The following PTPRD variants were observed in gnomAD, a reference collection of about 807,000 sequenced individuals.
PTPRD encodes the protein protein tyrosine phosphatase receptor type D.
PTPRD carries 34 observed loss-of-function variants against 214.5 expected under a neutral mutation model. The observed-to-expected ratio is 0.16, with a 90% CI of 0.12 to 0.21. The LOEUF (loss-of-function observed/expected upper bound fraction) is 0.21, where lower values mean the gene tolerates loss of function less well. PTPRD is among the 10% of genes least tolerant of loss of function. The pLI is 1.00. For missense variants in PTPRD, 2,545 were observed against 2,398.7 expected (o/e 1.06, Z -1.27); for synonymous variants, 1,128 against 845.7 (o/e 1.33, Z -5.79).
intron 2 of PTPRD, among the ~76,000 whole-genome samples, chr9:10,389,651 A>G (rs2098013842): frequency 6.6e-6 from 1 of 151,918 alleles, no homozygotes. Flanking sequence ...TAAAAGACAT[A>G]CAGCCAAAAT....
At chr9:10,224,157 A>T (rs1301989109) in intron 3 of PTPRD, among the ~76,000 whole-genome samples, 1 of 152,036 alleles carries the variant, frequency 6.6e-6, no homozygotes, top group Non-Finnish European at 1.5e-5. Context: ...CATAGAATCC[A>T]TTCTGTTTGT....
intron 9 of PTPRD, among the ~76,000 whole-genome samples, chr9:9,251,786 T>A (rs1000481433): frequency 1.3e-5 from 2 of 152,072 alleles, no homozygotes; most frequent in African/African-American, 4.8e-5. Context: ...AATAAAAGAA[T>A]GATTTGAGAT....
chr9:10,428,966 C>T (rs2098651460), intron 2 of PTPRD, among the ~76,000 whole-genome samples: 1 of 151,892 alleles, frequency 6.6e-6, no homozygotes, highest in Non-Finnish European at 1.5e-5. Flanking sequence ...GATAATAGTA[C>T]CTGTCGCATA....
chr9:10,286,785 G>C (rs1316406168), intron 3 of PTPRD, among the ~76,000 whole-genome samples: 1 of 152,026 alleles, frequency 6.6e-6, no homozygotes, highest in Admixed American at 6.6e-5. Flanking sequence ...ATTTTTACTA[G>C]AGACGGGGTT....
At chr9:9,971,311 A>T (rs1446065515) in intron 4 of PTPRD, among the ~76,000 whole-genome samples, 1 of 152,190 alleles carries the variant, frequency 6.6e-6, no homozygotes, top group African/African-American at 2.4e-5. Context: ...CTAGGTCTGG[A>T]GTAGAAACCA....
chr9:10,385,433 T>A (rs889109292), intron 2 of PTPRD, among the ~76,000 whole-genome samples: 1 of 151,852 alleles, frequency 6.6e-6, no homozygotes, highest in African/African-American at 2.4e-5. Context: ...CTCATTCATT[T>A]ATTCAGCAAA....
chr9:8,389,074 G>A (rs993877975), intron 37 of PTPRD, among the ~76,000 whole-genome samples, 158 bp downstream of exon 37: 6 of 147,618 alleles, frequency 4.1e-5, no homozygotes, highest in Non-Finnish European at 5.9e-5. Context: ...GAGTTTTAAA[G>A]AATGGTTTAA....
chr9:9,669,609 T>C (rs536326304), intron 7 of PTPRD, among the ~76,000 whole-genome samples: 11 of 152,314 alleles, frequency 7.2e-5, no homozygotes, highest in African/African-American at 2.4e-4. Context: ...TTTATTGTAC[T>C]ATTCCAAATA....
At chr9:10,019,737 C>G (rs1038654380) in intron 4 of PTPRD, among the ~76,000 whole-genome samples, 3 of 143,548 alleles carry the variant, frequency 2.1e-5, no homozygotes, top group Non-Finnish European at 3.0e-5. Context: ...TGAGAACACA[C>G]GGACACAGGA....
chr9:9,648,534 G>A (rs2096254351), intron 7 of PTPRD, among the ~76,000 whole-genome samples: 1 of 152,176 alleles, frequency 6.6e-6, no homozygotes. Flanking sequence ...CTGGAGAGGA[G>A]AAATTTCAAT....
intron 7 of PTPRD, among the ~76,000 whole-genome samples, chr9:9,668,490 T>G (rs2096765772): frequency 6.6e-6 from 1 of 152,310 alleles, no homozygotes; most frequent in South Asian, 2.1e-4. Context: ...TTTAGTACAT[T>G]GTTGATTTTT....
intron 5 of PTPRD, among the ~76,000 whole-genome samples, chr9:9,846,889 G>C (rs2059634860): frequency 6.6e-6 from 1 of 151,990 alleles, no homozygotes; most frequent in Non-Finnish European, 1.5e-5. Context: ...AAGAGAGTAG[G>C]GGATTATGAT....
chr9:9,233,958 C>T (rs1287812847), intron 9 of PTPRD, among the ~76,000 whole-genome samples: 1 of 152,122 alleles, frequency 6.6e-6, no homozygotes, highest in Non-Finnish European at 1.5e-5. Flanking sequence ...GATCTAGCAT[C>T]CTGGGGTCTG....
intron 5 of PTPRD, among the ~76,000 whole-genome samples, chr9:9,792,938 T>C (rs576852372): frequency 2.0e-5 from 3 of 152,102 alleles, no homozygotes; most frequent in Non-Finnish European, 2.9e-5. Flanking sequence ...TTAAGCTTAA[T>C]AGACTTGGGC....
chr9:9,512,997 A>C (rs1411349318), intron 8 of PTPRD, among the ~76,000 whole-genome samples: 1 of 151,962 alleles, frequency 6.6e-6, no homozygotes, highest in Non-Finnish European at 1.5e-5. Flanking sequence ...TTAGCAAATA[A>C]AAATCTTTCT....
chr9:10,334,850 C>T (rs1011090045), intron 3 of PTPRD, among the ~76,000 whole-genome samples: 1 of 151,408 alleles, frequency 6.6e-6, no homozygotes, highest in Non-Finnish European at 1.5e-5. Flanking sequence ...TACATTAGTG[C>T]CCAAGAAAAT....
chr9:10,327,961 T>C (rs1310357582), intron 3 of PTPRD, among the ~76,000 whole-genome samples: 1 of 151,750 alleles, frequency 6.6e-6, no homozygotes, highest in Admixed American at 6.6e-5. Flanking sequence ...GTTTTTATTA[T>C]AAAAATTATC....
intron 8 of PTPRD, among the ~76,000 whole-genome samples, chr9:9,471,236 C>T (rs971284747): frequency 6.6e-6 from 1 of 152,086 alleles, no homozygotes; most frequent in Non-Finnish European, 1.5e-5. Flanking sequence ...TCTATAAATA[C>T]CAACATATAC....
intron 4 of PTPRD, among the ~76,000 whole-genome samples, chr9:9,955,269 G>A (rs185672902): frequency 7.0e-4 from 106 of 152,242 alleles, no homozygotes; most frequent in African/African-American, 2.1e-3. Flanking sequence ...ACTAAACGGT[G>A]AAAGTGTAAA....
Sources: gnomAD v4.1 joint callset for allele counts (sites outside exome capture counted in the v4.1 genomes callset) on GRCh38, gnomAD v4.1.1 for gene constraint, MANE v1.5 for transcripts, NCBI Gene and HGNC (gene_info 2026-07-23, HGNC 2026-07-21) for gene names.